The following TEC variants were observed in gnomAD, a reference collection of about 807,000 sequenced individuals.
TEC encodes the protein tec protein tyrosine kinase, also known as tyrosine-protein kinase Tec.
A neutral mutation model predicts 93.0 loss-of-function variants in TEC; 72 were observed. That is an observed-to-expected ratio of 0.77 (90% CI 0.64 to 0.94). The LOEUF (loss-of-function observed/expected upper bound fraction) is 0.94, where lower values mean the gene tolerates loss of function less well. Among genes scored for constraint, TEC ranks in the 40% least tolerant of loss-of-function variants. TEC has a pLI of 0.00. For synonymous variants in TEC, 249 were observed against 247.7 expected (o/e 1.01, Z -0.05); for missense variants, 630 against 757.9 (o/e 0.83, Z 1.98).
intron 14 of TEC, among the ~76,000 whole-genome samples, chr4:48,144,838 A>T (rs1719836588): frequency 6.6e-6 from 1 of 152,216 alleles, no homozygotes; most frequent in African/African-American, 2.4e-5. Flanking sequence ...TGGGATTCTT[A>T]TGGAGATCGA....
chr4:48,183,737 C>A (rs1032295029), intron 2 of TEC, among the ~76,000 whole-genome samples: 2 of 152,192 alleles, frequency 1.3e-5, no homozygotes, highest in African/African-American at 4.8e-5. Context: ...TTCTCAGCCT[C>A]CATAATCTAT....
intron 8 of TEC, among the ~76,000 whole-genome samples, chr4:48,158,922 T>C (rs1720511256): frequency 6.6e-6 from 1 of 152,116 alleles, no homozygotes. Flanking sequence ...TTCCCTTCTT[T>C]GGGATATCAA....
chr4:48,188,891 G>A (rs115970631), intron 2 of TEC, among the ~76,000 whole-genome samples: 5,609 of 152,178 alleles, frequency 0.037, 343 homozygotes, highest in African/African-American at 0.13. Flanking sequence ...GTGTGTGTGC[G>A]CGCCCATGCA....
chr4:48,188,692 T>A (rs561883372), intron 2 of TEC, among the ~76,000 whole-genome samples: 5 of 152,270 alleles, frequency 3.3e-5, no homozygotes, highest in African/African-American at 1.2e-4. Context: ...TACAAGTACT[T>A]TCATTTATAT....
chr4:48,204,014 CCTT>C (rs1204135571), intron 2 of TEC, among the ~76,000 whole-genome samples: 2 of 152,162 alleles, frequency 1.3e-5, no homozygotes, highest in African/African-American at 4.8e-5. Context: ...GACAGGATCT[CCTT>C]CTCAATTTGC....
At chr4:48,250,197 A>C (rs1414670731) in intron 1 of TEC, among the ~76,000 whole-genome samples, 1 of 152,236 alleles carries the variant, frequency 6.6e-6, no homozygotes, top group Non-Finnish European at 1.5e-5. Flanking sequence ...ATCCAAGTAA[A>C]TGGCCTCATA....
At chr4:48,184,768 A>C (rs78911773) in intron 2 of TEC, among the ~76,000 whole-genome samples, 1 of 96,906 alleles carries the variant, frequency 1.0e-5, no homozygotes, top group Non-Finnish European at 2.3e-5. Flanking sequence ...AGACAAAAAA[A>C]ATACACACAC....
At chr4:48,223,437 T>C (rs1723330700) in intron 2 of TEC, among the ~76,000 whole-genome samples, 1 of 152,216 alleles carries the variant, frequency 6.6e-6, no homozygotes. Context: ...ACCTGCAATT[T>C]CTGGAAGGTG....
At chr4:48,255,034 CT>C (rs1220664385) in intron 1 of TEC, among the ~76,000 whole-genome samples, 1 of 152,224 alleles carries the variant, frequency 6.6e-6, no homozygotes, top group Non-Finnish European at 1.5e-5. Context: ...AAATACTCAT[CT>C]TCTGAAAACC....
intron 1 of TEC, among the ~76,000 whole-genome samples, chr4:48,255,400 T>TG (rs751850581): frequency 1.3e-5 from 2 of 152,114 alleles, no homozygotes; most frequent in Non-Finnish European, 2.9e-5. Context: ...CTTGGTCAAG[T>TG]GGAGGGACTG....
chr4:48,167,742 C>G (rs747362151), intron 7 of TEC, 36 bp downstream of exon 7: 1 of 1,597,182 alleles, frequency 6.3e-7, no homozygotes, highest in Middle Eastern at 1.7e-4. Flanking sequence ...CTCCCACCTA[C>G]CCACTGCATA....
chr4:48,261,239 T>C (rs1307048550), intron 1 of TEC, among the ~76,000 whole-genome samples: 1 of 152,242 alleles, frequency 6.6e-6, no homozygotes, highest in Non-Finnish European at 1.5e-5. Flanking sequence ...AAAGCATGTA[T>C]ACCTAAATTT....
At chr4:48,230,693 G>C (rs17471321) in intron 1 of TEC, among the ~76,000 whole-genome samples, 2 of 152,010 alleles carry the variant, frequency 1.3e-5, no homozygotes, top group Non-Finnish European at 2.9e-5. Context: ...AGTCTGACAC[G>C]AGAGACTGTC....
At chr4:48,179,327 T>G (rs1721460800) in intron 2 of TEC, among the ~76,000 whole-genome samples, 1 of 130,304 alleles carries the variant, frequency 7.7e-6, no homozygotes. Context: ...TATCATGTAA[T>G]GACGTGGGTA....
chr4:48,174,774 G>T (rs974213801), intron 3 of TEC, among the ~76,000 whole-genome samples: 2 of 152,126 alleles, frequency 1.3e-5, no homozygotes, highest in African/African-American at 4.8e-5. Context: ...CTAGATCCAG[G>T]TGGTAGGTGT....
At chr4:48,256,354 C>G (rs1237533771) in intron 1 of TEC, among the ~76,000 whole-genome samples, 1 of 151,562 alleles carries the variant, frequency 6.6e-6, no homozygotes, top group Non-Finnish European at 1.5e-5. Flanking sequence ...GAGGCTGAGG[C>G]AGTTGGATCG....
chr4:48,225,621 C>T (rs1202427058), intron 2 of TEC, among the ~76,000 whole-genome samples: 2 of 152,114 alleles, frequency 1.3e-5, no homozygotes, highest in Non-Finnish European at 2.9e-5. Flanking sequence ...GCCTAGAAGC[C>T]AGGGAGAGCT....
intron 2 of TEC, among the ~76,000 whole-genome samples, chr4:48,211,443 G>A (rs149180779): frequency 2.6e-4 from 39 of 152,244 alleles, no homozygotes; most frequent in African/African-American, 8.4e-4. Flanking sequence ...CTGATCATTA[G>A]CATCAAGCTG....
In TEC at chr4:48,167,859, T is replaced by A; in HGVS notation, c.590A>T (p.Asp197Val). ...MYDFQAAEGH[D>V]LRLERGQEYL... ...CTCTTGGCCTCTCTCTAATCTGAGA[T>A]CATGTCCTTCTGCTGCTTGGAAATC... is the stretch of plus-strand genomic sequence containing the variant. Residue 197 changes from aspartate to valine, a missense_variant, in exon 7 of 18, where the codon GAT (aspartate) becomes GTT (valine). By Grantham distance (152) the Asp-to-Val change is radical. Coordinates refer to ENST00000381501, the MANE Select transcript of TEC (RefSeq NM_003215.3). 6.2e-7 allele frequency: 1 copy of A among 1,613,926 alleles called. No homozygotes were observed. The highest frequency in any genetic ancestry group is 8.5e-7 in the Non-Finnish European group (1 of 1,179,900).
Sources: gnomAD v4.1 joint callset for allele counts (sites outside exome capture counted in the v4.1 genomes callset) on GRCh38, gnomAD v4.1.1 for gene constraint, MANE v1.5 for transcripts, NCBI Gene and HGNC (gene_info 2026-07-23, HGNC 2026-07-21) for gene names.